IKZF3: variants seen among roughly 807,000 people sequenced by gnomAD.
IKZF3 encodes the protein IKAROS family zinc finger 3, also known as zinc finger protein Aiolos.
In IKZF3, 10 loss-of-function variants were observed where a neutral mutation model predicts 49.0. The observed-to-expected ratio is 0.20, with a 90% CI of 0.13 to 0.35. IKZF3 has a LOEUF of 0.35. IKZF3 is among the 10% of genes least tolerant of loss of function. The pLI is 1.00. For missense variants in IKZF3, 498 were observed against 664.8 expected (o/e 0.75, Z 2.76); for synonymous variants, 209 against 228.2 (o/e 0.92, Z 0.76).
intron 1 of IKZF3, chr17:39,835,263 AG>A: frequency 1.8e-6 from 1 of 550,516 alleles, no homozygotes. Flanking sequence ...CTCAATGTCC[AG>A]GGCCAGCTTG....
intron 5 of IKZF3, among the ~76,000 whole-genome samples, chr17:39,790,393 T>C (rs1371860930): frequency 6.6e-6 from 1 of 152,202 alleles, no homozygotes; most frequent in Non-Finnish European, 1.5e-5. Flanking sequence ...CTTTGAAAAA[T>C]GAGCTGTAAA....
At chr17:39,778,965 A>C (rs1597980739) in intron 6 of IKZF3, among the ~76,000 whole-genome samples, 1 of 152,232 alleles carries the variant, frequency 6.6e-6, no homozygotes, top group South Asian at 2.1e-4. Context: ...GCCCCCCTTC[A>C]GATCAATTAA....
chr17:39,787,427 C>T (rs2060899241), intron 6 of IKZF3, among the ~76,000 whole-genome samples: 2 of 152,198 alleles, frequency 1.3e-5, no homozygotes, highest in Admixed American at 1.3e-4. Flanking sequence ...TATGAGTAGA[C>T]AAGGATATAA....
intron 1 of IKZF3, among the ~76,000 whole-genome samples, chr17:39,836,554 T>C (rs1379438512): frequency 6.6e-6 from 1 of 152,242 alleles, no homozygotes; most frequent in Non-Finnish European, 1.5e-5. Context: ...TAGTTGACAA[T>C]GTCATTCAGA....
At chr17:39,862,267 C>T (rs2063233162) in intron 1 of IKZF3, among the ~76,000 whole-genome samples, 1 of 152,066 alleles carries the variant, frequency 6.6e-6, no homozygotes, top group Non-Finnish European at 1.5e-5. Context: ...TGTTAAATGA[C>T]TTTATATGCT....
At chr17:39,784,675 T>C (rs1486035387) in intron 6 of IKZF3, among the ~76,000 whole-genome samples, 1 of 152,166 alleles carries the variant, frequency 6.6e-6, no homozygotes, top group African/African-American at 2.4e-5. Flanking sequence ...GTGTCAGGAT[T>C]ACAGGCGCGA....
chr17:39,817,105 TAGTC>T (rs2061695369), intron 3 of IKZF3, among the ~76,000 whole-genome samples: 2 of 152,220 alleles, frequency 1.3e-5, no homozygotes, highest in South Asian at 4.1e-4. Flanking sequence ...CCCTAGAAAT[TAGTC>T]TGTCTTTCCG....
chr17:39,847,553 T>C (rs369940548), intron 1 of IKZF3, among the ~76,000 whole-genome samples: 1 of 152,284 alleles, frequency 6.6e-6, no homozygotes, highest in East Asian at 1.9e-4. Context: ...TCTGGGAACA[T>C]ACAGGATAAG....
intron 3 of IKZF3, among the ~76,000 whole-genome samples, chr17:39,801,923 G>A (rs1354298107): frequency 2.6e-5 from 4 of 151,876 alleles, no homozygotes; most frequent in African/African-American, 9.7e-5. Flanking sequence ...AGGTAAATCA[G>A]GCTAACAAGA....
chr17:39,847,161 GC>G (rs577056021), intron 1 of IKZF3, among the ~76,000 whole-genome samples: 2 of 152,118 alleles, frequency 1.3e-5, no homozygotes, highest in Non-Finnish European at 2.9e-5. Context: ...TGTAAATGTG[GC>G]AGAGAAGCGT....
At chr17:39,829,089 A>G (rs191920643) in intron 3 of IKZF3, among the ~76,000 whole-genome samples, 49 of 152,340 alleles carry the variant, frequency 3.2e-4, no homozygotes, top group Middle Eastern at 3.4e-3. Flanking sequence ...GGTGTCAGAA[A>G]ACACCCCAGA....
chr17:39,855,721 G>T (rs1423366575), intron 1 of IKZF3, among the ~76,000 whole-genome samples: 2 of 152,138 alleles, frequency 1.3e-5, no homozygotes, highest in Admixed American at 6.5e-5. Flanking sequence ...CTACTCAGGA[G>T]GCTGAGGCAG....
At chr17:39,777,598 A>G (rs1428070762) in intron 7 of IKZF3, 53 bp downstream of exon 7, 1 of 1,268,240 alleles carries the variant, frequency 7.9e-7, no homozygotes, top group Admixed American at 1.8e-5. Context: ...ATCCTATGTT[A>G]TTTCATTCAA....
At chr17:39,803,060 G>A (rs1331564395) in intron 3 of IKZF3, among the ~76,000 whole-genome samples, 1 of 152,134 alleles carries the variant, frequency 6.6e-6, no homozygotes, top group South Asian at 2.1e-4. Flanking sequence ...AAGAAGAGGA[G>A]ATTTACTACT....
In IKZF3 at chr17:39,777,737, T is replaced by C; in HGVS notation, c.740A>G (p.Glu247Gly). The change falls in exon 7 of 8, where the codon GAG (glutamate) becomes GGG (glycine). Residue 247 changes from glutamate to glycine, a missense_variant. Coordinates refer to ENST00000346872, the MANE Select transcript of IKZF3 (RefSeq NM_012481.5). ...TACGAGAGCTCTTTCACTTCCCATC[T>C]CTGCTTTGATGTGTCTTGCCTCCGC... ...ASAEARHIKA[E>G]MGSERALVLD... 1 of 1,613,958 alleles carries C rather than the reference T, an allele frequency of 6.2e-7. No homozygotes were observed. Among genetic ancestry groups the C allele is most frequent in the Non-Finnish European group, 8.5e-7 (1 of 1,179,934 alleles).
intron 1 of IKZF3, among the ~76,000 whole-genome samples, chr17:39,851,761 A>G (rs2062882426): frequency 6.6e-6 from 1 of 152,172 alleles, no homozygotes; most frequent in South Asian, 2.1e-4. Context: ...TAATCAAGCT[A>G]TATACAAAAG....
In IKZF3 at chr17:39,762,791, G is replaced by A; in HGVS notation, c.*2999C>T. 6.5e-6 allele frequency: 1 copy of A among 152,676 alleles called. No individual in the cohort carries two copies. The allele number at this position is 152,676 out of a possible 1,614,324, so 9.5% of individuals were successfully genotyped here. ...AATCCCAGCTACTTGGGAGGCTGAGGCAGGAGAATTGCTTGAACCCGGGAG... is the reference window on the plus strand; with the variant it reads ...AATCCCAGCTACTTGGGAGGCTGAGACAGGAGAATTGCTTGAACCCGGGAG... On this transcript the variant is annotated 3_prime_UTR_variant, in exon 8 of 8. Coordinates refer to ENST00000346872, the MANE Select transcript of IKZF3 (RefSeq NM_012481.5).
At chr17:39,772,717 G>A (rs2060475302) in intron 7 of IKZF3, among the ~76,000 whole-genome samples, 1 of 152,164 alleles carries the variant, frequency 6.6e-6, no homozygotes, top group Admixed American at 6.5e-5. Context: ...GTGCTGTGTG[G>A]ATGTCATCTG....
chr17:39,805,267 CTATTATTTGCTTCAAGTACAAAAT>C (rs1396408242), intron 3 of IKZF3, among the ~76,000 whole-genome samples: 2 of 152,216 alleles, frequency 1.3e-5, no homozygotes, highest in African/African-American at 4.8e-5. Context: ...AACAACTATA[CTATTATTTGCTTCAAGTACAAAAT>C]TAGGGTTGAC....
Sources: gnomAD v4.1 joint callset for allele counts (sites outside exome capture counted in the v4.1 genomes callset) on GRCh38, gnomAD v4.1.1 for gene constraint, MANE v1.5 for transcripts, NCBI Gene and HGNC (gene_info 2026-07-23, HGNC 2026-07-21) for gene names.